PRKCQ: variants seen among roughly 807,000 people sequenced by gnomAD.
PRKCQ encodes protein kinase C theta type.
Under a neutral mutation model 91.2 loss-of-function variants are expected in PRKCQ, and 41 were observed. That is an observed-to-expected ratio of 0.45 (90% CI 0.35 to 0.58). PRKCQ has a LOEUF of 0.58. Ranked by LOEUF, PRKCQ falls within the 20% of genes least tolerant of loss-of-function variation. The pLI, the probability that PRKCQ is intolerant of heterozygous loss-of-function variation, is 0.00. For synonymous variants in PRKCQ, 307 were observed against 316.9 expected, an observed-to-expected ratio of 0.97 and a Z score of 0.33; for missense variants, 673 against 896.5, an observed-to-expected ratio of 0.75 and a Z score of 3.18.
intron 16 of PRKCQ, among the ~76,000 whole-genome samples, chr10:6,434,520 G>A (rs906126885): frequency 3.3e-5 from 5 of 152,222 alleles, no homozygotes; most frequent in African/African-American, 4.8e-5. Context: ...CTGAGGTCCT[G>A]AGGATGACAG....
chr10:6,504,353 C>G (rs964245161), intron 4 of PRKCQ, among the ~76,000 whole-genome samples: 1 of 152,200 alleles, frequency 6.6e-6, no homozygotes, highest in Admixed American at 6.5e-5. Context: ...ATGCACTCCT[C>G]TTGCCCTCCA....
intron 16 of PRKCQ, among the ~76,000 whole-genome samples, chr10:6,436,140 A>T (rs1833687081): frequency 6.6e-6 from 1 of 152,146 alleles, no homozygotes; most frequent in South Asian, 2.1e-4. Context: ...TCTTTCACCC[A>T]CCAGTCCTCT....
At chr10:6,523,732 A>G (rs1245386501) in intron 1 of PRKCQ, among the ~76,000 whole-genome samples, 2 of 152,246 alleles carry the variant, frequency 1.3e-5, no homozygotes. Context: ...CACAAATTTT[A>G]ATAGGTTACA....
intron 16 of PRKCQ, among the ~76,000 whole-genome samples, chr10:6,440,628 G>A (rs1041109511): frequency 6.6e-6 from 1 of 152,164 alleles, no homozygotes; most frequent in Non-Finnish European, 1.5e-5. Flanking sequence ...CTCCAGTAGT[G>A]AGCAGCTGCC....
chr10:6,452,279 A>G (rs1376436290), intron 15 of PRKCQ, among the ~76,000 whole-genome samples: 1 of 152,160 alleles, frequency 6.6e-6, no homozygotes, highest in Non-Finnish European at 1.5e-5. Flanking sequence ...TTAGACACCA[A>G]TAACAGACAG....
intron 1 of PRKCQ, among the ~76,000 whole-genome samples, chr10:6,540,823 C>G (rs1388138150): frequency 6.6e-6 from 1 of 152,224 alleles, no homozygotes; most frequent in African/African-American, 2.4e-5. Flanking sequence ...TCCTCAGAGT[C>G]TGTACCACTT....
chr10:6,462,503 G>A, intron 13 of PRKCQ, 138 bp from the exon 14 acceptor site: 1 of 689,482 alleles, frequency 1.5e-6, no homozygotes, highest in Non-Finnish European at 2.4e-6. Flanking sequence ...ATCCTAACAA[G>A]GAAGATGTTG....
At chr10:6,401,935 C>G in the PRKCQ span, among the ~76,000 whole-genome samples, 1 of 152,216 alleles carries the variant, frequency 6.6e-6, no homozygotes, top group Non-Finnish European at 1.5e-5. Context: ...CAGCTCAGGT[C>G]TGAGGCAGCC....
At chr10:6,543,398 CA>C (rs1346505119) in intron 1 of PRKCQ, among the ~76,000 whole-genome samples, 2 of 151,984 alleles carry the variant, frequency 1.3e-5, no homozygotes, top group Admixed American at 1.3e-4. Context: ...AAAACAAAAG[CA>C]AAAACACAAC....
rs756098311 is a variant in PRKCQ, at chr10:6,483,578, C to T, written c.1041G>A (p.Glu347=). The change falls in exon 11 of 18, where the codon GAG becomes GAA. Residue 347 remains glutamate, a synonymous_variant. Transcript: ENST00000263125. The part of the protein sequence containing the change: ...GKREPQGISW[E]SPLDEVDKMC... ...TTTTATCCACCTCATCCAACGGAGA[C>T]TCCCAGGAAATGCCCTGAGGCTCTG... 6.2e-7 allele frequency: 1 copy of T among 1,614,090 alleles called. No individual in the cohort carries two copies. Among genetic ancestry groups the T allele is most frequent in the African/African-American group, 1.3e-5 (1 of 74,928 alleles).
At position 6,552,374 on chromosome 10, in the gene PRKCQ, C is replaced by T. The variant is rs185783572; in HGVS notation, c.-10+27837G>A. Among the ~76,000 whole-genome samples the T allele has an allele frequency of 1.6e-3, 240 of 152,078 alleles. 1 individual carries two copies. Among genetic ancestry groups the T allele is most frequent in the African/African-American group, 5.2e-3 (216 of 41,474 alleles). ...TATATTCTCCTGCAACTCCAGTGAT[C>T]GTGCCTCCAAGATTCAGGCTCAGTG... is the stretch of plus-strand genomic sequence containing the variant. On this transcript the variant is annotated intron_variant, in intron 1 of 17. Transcript: ENST00000263125.
intron 16 of PRKCQ, among the ~76,000 whole-genome samples, chr10:6,435,259 G>A (rs915242146): frequency 2.0e-5 from 3 of 152,240 alleles, no homozygotes; most frequent in African/African-American, 4.8e-5. Flanking sequence ...GTCTGGCACT[G>A]CTGCTGTCAC....
intron 1 of PRKCQ, among the ~76,000 whole-genome samples, chr10:6,551,297 C>T (rs934156422): frequency 6.6e-5 from 10 of 152,124 alleles, no homozygotes; most frequent in African/African-American, 2.4e-4. Flanking sequence ...GGATAATGGC[C>T]TCCAGCTCCA....
At chr10:6,562,186 C>T (rs1840658548) in intron 1 of PRKCQ, among the ~76,000 whole-genome samples, 1 of 152,174 alleles carries the variant, frequency 6.6e-6, no homozygotes, top group African/African-American at 2.4e-5. Flanking sequence ...TGTCTATGAA[C>T]TCATCTGTGT....
At chr10:6,422,519 A>G (rs1324117276), downstream of PRKCQ, among the ~76,000 whole-genome samples, 2 of 152,086 alleles carry the variant, frequency 1.3e-5, no homozygotes, top group Non-Finnish European at 2.9e-5. Flanking sequence ...CTCTTCTTCT[A>G]TGATTCTGGG....
chr10:6,414,529 G>A, the PRKCQ span, among the ~76,000 whole-genome samples: 1 of 151,886 alleles, frequency 6.6e-6, no homozygotes, highest in Non-Finnish European at 1.5e-5. Flanking sequence ...TAATAGACAA[G>A]GACATTCAAT....
Position 6,427,652 on chromosome 10 carries a change from A to ATGTT in PRKCQ, c.*551_*554dup, listed in dbSNP as rs1489902375. On this transcript the variant is annotated 3_prime_UTR_variant, in exon 18 of 18. Transcript: ENST00000263125. ...ATTTGTAGATCTCAAGTTACAAGCTATGTTTATTGTAAAGAATTCCCATAA... is the reference window on the plus strand; with the variant it reads ...ATTTGTAGATCTCAAGTTACAAGCTATGTTTGTTTATTGTAAAGAATTCCCATAA... The ATGTT allele has an allele frequency of 6.5e-6, 1 of 153,196 alleles. No individual in the cohort carries two copies. The highest frequency in any genetic ancestry group is 1.5e-5 in the Non-Finnish European group (1 of 68,756). The allele number at this position is 153,196 out of a possible 1,614,324, so 9.5% of individuals were successfully genotyped here.
At chr10:6,548,781 C>T (rs1049964730) in intron 1 of PRKCQ, among the ~76,000 whole-genome samples, 10 of 151,070 alleles carry the variant, frequency 6.6e-5, no homozygotes, top group African/African-American at 2.4e-4. Flanking sequence ...ATAACTAATG[C>T]TAAATGACCA....
At chr10:6,546,130 G>A (rs538118371) in intron 1 of PRKCQ, among the ~76,000 whole-genome samples, 5 of 152,324 alleles carry the variant, frequency 3.3e-5, no homozygotes, top group Admixed American at 2.6e-4. Context: ...GGATGGTGGG[G>A]AACTGAGCTC....
Sources: allele counts gnomAD v4.1 joint callset (sites outside exome capture counted in the v4.1 genomes callset), GRCh38; gene constraint gnomAD v4.1.1; transcripts MANE v1.5; gene names NCBI Gene and HGNC (gene_info 2026-07-23, HGNC 2026-07-21).